Variants in SLC16A11 observed in about 807,000 individuals in gnomAD.
The protein encoded by SLC16A11 is solute carrier family 16 member 11.
A neutral mutation model predicts 26.0 loss-of-function variants in SLC16A11; 24 were observed. The observed-to-expected ratio is 0.92, with a 90% confidence interval of 0.67 to 1.30. The LOEUF (loss-of-function observed/expected upper bound fraction) is 1.30. SLC16A11 is among the 50% of genes most tolerant of loss of function. SLC16A11 has a pLI of 0.00. For missense variants in SLC16A11, 638 were observed against 597.7 expected (o/e 1.07, Z -0.70); for synonymous variants, 332 against 296.0 (o/e 1.12, Z -1.25).
At position 7,041,799 on chromosome 17, in the gene SLC16A11, G is replaced by C. The variant is rs866874733; in HGVS notation, c.1224C>G (p.Ser408=). ...TGGCTGGAGGGGAGGCTGGACCACA[G>C]GAGGGCAGCGCCCTGGGCAACCCTA... ...IYIGLPRALP[S]CGPASPPATP... The change falls in exon 5 of 5, where the codon TCC becomes TCG. Residue 408 remains serine, a synonymous_variant. Transcript: ENST00000574600. The C allele has an allele frequency of 6.2e-7, 1 of 1,613,792 alleles. No homozygotes were observed. Among genetic ancestry groups the C allele is most frequent in the Admixed American group, 1.7e-5 (1 of 60,008 alleles).
rs77086571 is a variant in SLC16A11, at chr17:7,044,074, G to T, written c.-306C>A. On this transcript the variant is annotated 5_prime_UTR_variant, in exon 1 of 5. Transcript: ENST00000574600. ...CACACAACCCCCAGGCCCGGGGGAG[G>T]GGGGAGCGGCGAGAAATGAATGCAG... is the stretch of plus-strand genomic sequence containing the variant. Among the ~76,000 whole-genome samples, 58 of 151,096 alleles carry T rather than the reference G, an allele frequency of 3.8e-4. No homozygotes were observed. The highest frequency in any genetic ancestry group is 3.4e-3 in the South Asian group (16 of 4,658).
In SLC16A11 at chr17:7,041,768, G is replaced by T. The variant is rs75493593; in HGVS notation, c.1255C>A (p.Pro419Thr). ...GGAAGCAGCTCCCCCGTCTCTGGGG[G>T]AGGCGTGGCTGGAGGGGAGGCTGGA... The part of the protein sequence containing the change: ...CGPASPPATP[P>T]PETGELLPAP... Residue 419 changes from proline to threonine, a missense_variant, in exon 5 of 5, where the codon CCC becomes ACC. Transcript: ENST00000574600. 0.019 allele frequency: 30,082 copies of T among 1,613,562 alleles called. 2,566 individuals are homozygous for T. The Admixed American group carries it at 0.25, about 13-fold the overall frequency.
chr17:7,042,512 G>C lies in SLC16A11; in HGVS notation c.598C>G (p.Pro200Ala). ...LLPLVLPGDP[P>A]APPRSPLAAL... ...GCTAGGGGACTACGCGGTGGGGCTG[G>C]GGGGTCTCCAGGAAGGACCAGGGGT... Residue 200 changes from proline to alanine, a missense_variant, in exon 4 of 5, where the codon CCA (proline) becomes GCA (alanine). Pro to Ala is a conservative substitution (Grantham distance 27, BLOSUM62 -1). Transcript: ENST00000574600. The surrounding 1 kb of genome is among the most constrained non-coding windows in gnomAD (Gnocchi z 5.9). 2 of 1,564,164 alleles carry C rather than the reference G, an allele frequency of 1.3e-6. No homozygotes were observed. The highest frequency in any genetic ancestry group is 1.7e-6 in the Non-Finnish European group (2 of 1,154,488).
rs1045844887 is a variant in SLC16A11 at position 7,041,784 on chromosome 17, G to C, written c.1239C>G (p.Ser413=). 2.5e-6 allele frequency: 4 copies of C among 1,613,626 alleles called. No homozygotes were observed. Among genetic ancestry groups the C allele is most frequent in the Non-Finnish European group, 3.4e-6 (4 of 1,179,968 alleles). The part of the protein sequence containing the change: ...PRALPSCGPA[S]PPATPPPETG... Reference sequence around the variant, plus strand: ...TCTCTGGGGGAGGCGTGGCTGGAGGGGAGGCTGGACCACAGGAGGGCAGCG... The same window carrying C: ...TCTCTGGGGGAGGCGTGGCTGGAGGCGAGGCTGGACCACAGGAGGGCAGCG... Residue 413 remains serine (S), a synonymous_variant, in exon 5 of 5, where the codon TCC becomes TCG. Coordinates refer to ENST00000574600, the MANE Select transcript of SLC16A11 (RefSeq NM_001370549.1).
chr17:7,042,289 C>T lies in SLC16A11; in HGVS notation c.821G>A (p.Gly274Glu), dbSNP rs1910781224. Residue 274 changes from glycine (G) to glutamate (E), a missense_variant, in exon 4 of 5, where the codon GGG (glycine) becomes GAG (glutamate). Gly to Glu is a moderately conservative substitution (Grantham distance 98). Coordinates refer to ENST00000574600, the MANE Select transcript of SLC16A11 (RefSeq NM_001370549.1). The surrounding 1 kb of genome is among the most constrained non-coding windows in gnomAD (Gnocchi z 5.9). ...MGDAGARLVC[G>E]WLADQGWVPL... is the part of the protein sequence containing the mutation. Reference sequence around the variant, plus strand: ...CACCCAGCCTTGGTCTGCCAGCCACCCGCAGACCAGCCGGGCGCCCGCATC... The same window carrying T: ...CACCCAGCCTTGGTCTGCCAGCCACTCGCAGACCAGCCGGGCGCCCGCATC... 5 of 1,563,086 alleles carry T rather than the reference C, an allele frequency of 3.2e-6. No individual in the cohort carries two copies. The South Asian group carries it at 5.9e-5, about 18-fold the overall frequency.
rs1347238909 is a variant in SLC16A11 at position 7,042,703 on chromosome 17, C to T, written c.407G>A (p.Arg136His). Residue 136 changes from arginine to histidine, a missense_variant, in exon 4 of 5, where the codon CGC (arginine) becomes CAC (histidine). Transcript: ENST00000574600. This position sits in a 1 kb window ranked among gnomAD's most constrained non-coding sequence, Gnocchi z 5.9. ...CAGCCCCACCGCCAAGACTCGACGG[C>T]GGGAGAAGTAACGCGAGAGGGTGCC... is the stretch of plus-strand genomic sequence containing the variant. ...ALGTLSRYFS[R>H]RRVLAVGLAL... is the part of the protein sequence containing the mutation. 6.5e-7 allele frequency: 1 copy of T among 1,548,876 alleles called. No individual in the cohort carries two copies. The highest frequency in any genetic ancestry group is 1.4e-5 in the African/African-American group (1 of 74,072).
chr17:7,042,576 C>G lies in SLC16A11; in HGVS notation c.534G>C (p.Ala178=), dbSNP rs1910809280. 1 of 1,583,122 alleles carries G rather than the reference C, an allele frequency of 6.3e-7. No individual in the cohort carries two copies. The highest frequency in any genetic ancestry group is 8.6e-7 in the Non-Finnish European group (1 of 1,167,372). ...CACAGGGGGTGAGGTGGAGGGTGAT[C>G]GCGCCGAGGAGGAGCAGAGCGCCCC... ...GWRGALLLLG[A]ITLHLTPCGA... Residue 178 remains alanine, a synonymous_variant, in exon 4 of 5, where the codon GCG becomes GCC. Coordinates refer to ENST00000574600, the MANE Select transcript of SLC16A11 (RefSeq NM_001370549.1). This position sits in a 1 kb window ranked among gnomAD's most constrained non-coding sequence, Gnocchi z 5.9.
At position 7,042,564 on chromosome 17, in the gene SLC16A11, G is replaced by A. The variant is rs1046444418; in HGVS notation, c.546C>T (p.His182=). The change falls in exon 4 of 5, where the codon CAC becomes CAT. Residue 182 remains histidine (H), a synonymous_variant. Transcript: ENST00000574600. The surrounding 1 kb of genome is among the most constrained non-coding windows in gnomAD (Gnocchi z 5.9). ...GCAGCAGGGCGCCACAGGGGGTGAG[G>A]TGGAGGGTGATCGCGCCGAGGAGGA... ...ALLLLGAITL[H]LTPCGALLLP... is the part of the protein sequence containing the mutation. 4 of 1,582,944 alleles carry A rather than the reference G, an allele frequency of 2.5e-6. No individual in the cohort carries two copies. The highest frequency in any genetic ancestry group is 3.8e-5 in the Admixed American group (2 of 53,104).
chr17:7,043,762 C>T lies in SLC16A11; in HGVS notation c.-7+13G>A, dbSNP rs1910882409. The T allele has an allele frequency of 1.5e-6, 1 of 684,166 alleles. No homozygotes were observed. Among genetic ancestry groups the T allele is most frequent in the Non-Finnish European group, 2.3e-6 (1 of 438,034 alleles). The allele number at this position is 684,166 out of a possible 1,614,324, so 42.4% of individuals were successfully genotyped here. On this transcript the variant is annotated intron_variant, in intron 1 of 4. Coordinates refer to ENST00000574600, the MANE Select transcript of SLC16A11 (RefSeq NM_001370549.1). The stretch of plus-strand genomic sequence containing the variant: ...CGAGGTTCCCCGTCCCACGCACACT[C>T]CTTCCCCCTTACCCGACCTCTCCGG...
chr17:7,043,148 TTG>T, intron 2 of SLC16A11, 75 bp from the exon 3 acceptor site: 1 of 1,461,648 alleles, frequency 6.8e-7, no homozygotes, highest in Non-Finnish European at 9.0e-7. Context: ...CATTGGCTGT[TTG>T]CCTCCCTCGA....
In SLC16A11 at chr17:7,041,637, T is replaced by TA; in HGVS notation, c.*41dup. The stretch of plus-strand genomic sequence containing the variant: ...AGTTGGAGGTTTCAGGAAAACCCGA[T>TA]AAAAATTCTTTATTGGGGGAGGGGC... On this transcript the variant is annotated 3_prime_UTR_variant, in exon 5 of 5. Coordinates refer to ENST00000574600, the MANE Select transcript of SLC16A11 (RefSeq NM_001370549.1). 6.6e-7 allele frequency: 1 copy of TA among 1,526,138 alleles called. No homozygotes were observed. The highest frequency in any genetic ancestry group is 8.8e-7 in the Non-Finnish European group (1 of 1,133,864). 94.5% of individuals were successfully genotyped at this position (1,526,138 alleles called of 1,614,324 possible). A position where few individuals can be genotyped will look rare whatever the true frequency, so the allele number is the denominator to read the frequency against.
rs1018666039 is a variant in SLC16A11 at position 7,043,901 on chromosome 17, G to T, written c.-133C>A. 2 of 333,952 alleles carry T rather than the reference G, an allele frequency of 6.0e-6. No individual in the cohort carries two copies. Among genetic ancestry groups the T allele is most frequent in the East Asian group, 5.2e-5 (1 of 19,290 alleles). 20.7% of individuals were successfully genotyped at this position (333,952 alleles called of 1,614,324 possible). ...GGCAGCGATGGAGCCCAACTTGGAC[G>T]GGCTCTCTCGGTAAACAGAGATCAC... On this transcript the variant is annotated 5_prime_UTR_variant, in exon 1 of 5. Coordinates refer to ENST00000574600, the MANE Select transcript of SLC16A11 (RefSeq NM_001370549.1).
Position 7,042,722 on chromosome 17 carries a change from G to C in SLC16A11, c.388C>G (p.Leu130Val). The C allele has an allele frequency of 1.9e-6, 3 of 1,544,376 alleles. No homozygotes were observed. The highest frequency in any genetic ancestry group is 2.6e-6 in the Non-Finnish European group (3 of 1,148,998). Residue 130 changes from leucine (L) to valine (V), a missense_variant, in exon 4 of 5, where the codon CTC (leucine) becomes GTC (valine). Physicochemically the swap from Leu to Val is conservative, Grantham distance 32 (BLOSUM62 1). Transcript: ENST00000574600. This position sits in a 1 kb window ranked among gnomAD's most constrained non-coding sequence, Gnocchi z 5.9. The stretch of plus-strand genomic sequence containing the variant: ...CGACGGCGGGAGAAGTAACGCGAGA[G>C]GGTGCCTAGGGCGGGGGCGAACACC... ...ALVFAPALGT[L>V]SRYFSRRRVL...
At chr17:7,043,648 C>T in intron 1 of SLC16A11, 127 bp downstream of exon 1, 1 of 1,484,612 alleles carries the variant, frequency 6.7e-7, no homozygotes, top group Non-Finnish European at 8.9e-7. Context: ...CGCGATGGCG[C>T]GGGGCGGAGG....
chr17:7,042,161 G>A lies in SLC16A11; in HGVS notation c.949C>T (p.Pro317Ser). Reference protein sequence around the residue: ...VVGGEESWGGPLLAAAVAYGL... With the variant: ...VVGGEESWGGSLLAAAVAYGL... ...TAGGCCACAGCCGCGGCCAGCAGGG[G>A]ACCCCCCCAGCTCTCTTCGCCGCCC... Residue 317 changes from proline to serine, a missense_variant, in exon 4 of 5, where the codon CCC (proline) becomes TCC (serine). Coordinates refer to ENST00000574600, the MANE Select transcript of SLC16A11 (RefSeq NM_001370549.1). This position sits in a 1 kb window ranked among gnomAD's most constrained non-coding sequence, Gnocchi z 5.9. 1 of 1,575,392 alleles carries A rather than the reference G, an allele frequency of 6.3e-7. No homozygotes were observed. The highest frequency in any genetic ancestry group is 8.6e-7 in the Non-Finnish European group (1 of 1,161,800).
Position 7,042,106 on chromosome 17 carries a change from A to T in SLC16A11, c.1004T>A (p.Leu335Gln), listed in dbSNP as rs1179920552. 3 of 1,605,218 alleles carry T rather than the reference A, an allele frequency of 1.9e-6. No homozygotes were observed. In the East Asian group the frequency reaches 6.7e-5, roughly 36 times the overall value. ...CAGCCCGGGGAGTACACCGAAAACC[A>T]GCGGGGCGTAACTCCCCGCGCTCAG... is the stretch of plus-strand genomic sequence containing the variant. ...YGLSAGSYAPLVFGVLPGLVG... is the reference protein window; with the variant it reads ...YGLSAGSYAPQVFGVLPGLVG... The change falls in exon 4 of 5, where the codon CTG (leucine) becomes CAG (glutamine). Residue 335 changes from leucine to glutamine, a missense_variant. Leu to Gln is a moderately radical substitution (Grantham distance 113, BLOSUM62 -2). Coordinates refer to ENST00000574600, the MANE Select transcript of SLC16A11 (RefSeq NM_001370549.1). This position sits in a 1 kb window ranked among gnomAD's most constrained non-coding sequence, Gnocchi z 5.9.
rs753013759 is a variant in SLC16A11 at position 7,041,842 on chromosome 17, G to A, written c.1181C>T (p.Ser394Phe). ...CAACCCTATGTAGATGAAGCTGCCG[G>A]AGAGGATCAAAGAACCAGACAGGAG... ...SFLLSGSLIL[S>F]GSFIYIGLPR... The change falls in exon 5 of 5, where the codon TCC becomes TTC. Residue 394 changes from serine to phenylalanine, a missense_variant. Transcript: ENST00000574600. 4.3e-6 allele frequency: 7 copies of A among 1,613,906 alleles called. No individual in the cohort carries two copies. The African/African-American group carries it at 8.0e-5, about 18-fold the overall frequency.
chr17:7,042,674 G>A lies in SLC16A11; in HGVS notation c.436C>T (p.Leu146Phe). 6.4e-7 allele frequency: 1 copy of A among 1,556,064 alleles called. No individual in the cohort carries two copies. The highest frequency in any genetic ancestry group is 1.3e-5 in the African/African-American group (1 of 74,226). ...AGCGAGGAGGCCCCGTTGCCGGTGAGCGCCAGCCCCACCGCCAAGACTCGA... is the reference window on the plus strand; with the variant it reads ...AGCGAGGAGGCCCCGTTGCCGGTGAACGCCAGCCCCACCGCCAAGACTCGA... Reference protein sequence around the residue: ...RRRVLAVGLALTGNGASSLLL... With the variant: ...RRRVLAVGLAFTGNGASSLLL... The change falls in exon 4 of 5, where the codon CTC (leucine) becomes TTC (phenylalanine). Residue 146 changes from leucine to phenylalanine, a missense_variant. Transcript: ENST00000574600. This position sits in a 1 kb window ranked among gnomAD's most constrained non-coding sequence, Gnocchi z 5.9.
chr17:7,043,252 A>G, intron 2 of SLC16A11, 60 bp downstream of exon 2: 3 of 1,551,300 alleles, frequency 1.9e-6, no homozygotes, highest in Non-Finnish European at 2.6e-6. Flanking sequence ...TGGGTCTCCC[A>G]TCCCTCCACT....
Sources: allele counts gnomAD v4.1 joint callset (sites outside exome capture counted in the v4.1 genomes callset), GRCh38; gene constraint gnomAD v4.1.1; non-coding constraint Gnocchi (gnomAD v3.1); transcripts MANE v1.5; gene names NCBI Gene and HGNC (gene_info 2026-07-23, HGNC 2026-07-21).